The following RECK variants were observed in gnomAD, a reference collection of about 807,000 sequenced individuals.
RECK encodes the protein reversion-inducing cysteine-rich protein with Kazal motifs.
Under a neutral mutation model 115.1 loss-of-function variants are expected in RECK, and 69 were observed. The observed-to-expected ratio is 0.60, with a 90% CI of 0.49 to 0.73. The LOEUF (loss-of-function observed/expected upper bound fraction) is 0.73, where lower values mean the gene tolerates loss of function less well. Among genes scored for constraint, RECK ranks in the 30% least tolerant of loss-of-function variants. The probability of loss-of-function intolerance (pLI) is 0.00; values close to 1 mark genes in which losing one functional copy is unlikely to be tolerated. For missense variants in RECK, 1,047 were observed against 1,203.7 expected, an observed-to-expected ratio of 0.87 and a Z score of 1.93; for synonymous variants, 414 against 419.7, an observed-to-expected ratio of 0.99 and a Z score of 0.17.
chr9:36,114,327 G>T (rs912938057), intron 16 of RECK, among the ~76,000 whole-genome samples: 10 of 152,194 alleles, frequency 6.6e-5, no homozygotes, highest in African/African-American at 1.9e-4. Flanking sequence ...TTCATGTTAA[G>T]AGAAATGTAA....
At position 36,104,292 on chromosome 9, in the gene RECK, G is replaced by GTGCATATATATATATATA. The variant is rs34438663; in HGVS notation, c.1436-850_1436-849insGCATATATATATATATAT. 4.1e-4 allele frequency among the ~76,000 whole-genome samples: 18 copies of GTGCATATATATATATATA among 43,890 alleles called. 1 individual carries two copies. The highest frequency in any genetic ancestry group is 2.4e-3 in the East Asian group (3 of 1,256). The allele number at this position is 43,890 out of a possible 152,430, so 28.8% of individuals were successfully genotyped here. On this transcript the variant is annotated intron_variant, in intron 12 of 20. Transcript: ENST00000377966. ...ATACATAGCATGTGTGTGTGTGTGT[G>GTGCATATATATATATATA]TATATATATATATATATATATATAT...
At chr9:36,095,562 T>C (rs1236181877) in intron 10 of RECK, among the ~76,000 whole-genome samples, 5 of 152,156 alleles carry the variant, frequency 3.3e-5, no homozygotes, top group African/African-American at 9.7e-5. Context: ...GCCAAAATCC[T>C]CAATAAAAGA....
At chr9:36,120,558 C>A in intron 18 of RECK, 105 bp from the exon 19 acceptor site, 1 of 882,710 alleles carries the variant, frequency 1.1e-6, no homozygotes, top group Non-Finnish European at 1.8e-6. Flanking sequence ...GGGAAGGACA[C>A]TGTAACTCTC....
At chr9:36,049,324 A>G (rs1339565237) in intron 1 of RECK, among the ~76,000 whole-genome samples, 1 of 152,156 alleles carries the variant, frequency 6.6e-6, no homozygotes, top group African/African-American at 2.4e-5. Context: ...TTGGGAGATC[A>G]GGTTGATACC....
intron 6 of RECK, among the ~76,000 whole-genome samples, chr9:36,075,961 G>A (rs1822431244): frequency 6.6e-6 from 1 of 152,094 alleles, no homozygotes; most frequent in South Asian, 2.1e-4. Context: ...TATCATTGAT[G>A]AAAATGAGAG....
intron 10 of RECK, among the ~76,000 whole-genome samples, chr9:36,098,759 A>G (rs1318848634): frequency 6.6e-6 from 1 of 152,242 alleles, no homozygotes; most frequent in Non-Finnish European, 1.5e-5. Flanking sequence ...ACAATGGGAT[A>G]GCAATGGATG....
At chr9:36,107,928 A>G (rs1377339665) in intron 13 of RECK, 48 bp from the exon 14 acceptor site, 1 of 1,331,508 alleles carries the variant, frequency 7.5e-7, no homozygotes, top group African/African-American at 1.5e-5. Context: ...TTATAAAACA[A>G]TGTCATAGAA....
At chr9:36,042,008 A>G (rs879858940) in intron 1 of RECK, among the ~76,000 whole-genome samples, 1 of 152,004 alleles carries the variant, frequency 6.6e-6, no homozygotes, top group Non-Finnish European at 1.5e-5. Flanking sequence ...ATAGTGAGAG[A>G]AATTTTTTTG....
In RECK at chr9:36,094,046, A is replaced by G. The variant is rs1823252623; in HGVS notation, c.1085+2703A>G. Among the ~76,000 whole-genome samples, 1 of 151,950 alleles carries G rather than the reference A, an allele frequency of 6.6e-6. No individual in the cohort carries two copies. The highest frequency in any genetic ancestry group is 1.5e-5 in the Non-Finnish European group (1 of 67,950). ...AATAAAGGTATTTCTAGATATTACA[A>G]AAAAAAACAACCTCAGAATTTTCTG... On this transcript the variant is annotated intron_variant, in intron 10 of 20. Coordinates refer to ENST00000377966, the MANE Select transcript of RECK (RefSeq NM_021111.3). This position sits in a 1 kb window ranked among gnomAD's most constrained non-coding sequence, Gnocchi z 4.1.
At chr9:36,116,557 C>T (rs958427308) in intron 16 of RECK, among the ~76,000 whole-genome samples, 5 of 152,224 alleles carry the variant, frequency 3.3e-5, no homozygotes, top group African/African-American at 1.2e-4. Flanking sequence ...CATATCATGG[C>T]CCTTCTGCTA....
intron 12 of RECK, among the ~76,000 whole-genome samples, chr9:36,103,204 G>T (rs958814748): frequency 6.6e-6 from 1 of 152,184 alleles, no homozygotes; most frequent in South Asian, 2.1e-4. Context: ...CCACCAGGGG[G>T]CATCTGTGCC....
Position 36,108,023 on chromosome 9 carries a change from C to G in RECK, c.1624C>G (p.Leu542Val). 1 of 1,613,842 alleles carries G rather than the reference C, an allele frequency of 6.2e-7. No homozygotes were observed. Among genetic ancestry groups the G allele is most frequent in the Non-Finnish European group, 8.5e-7 (1 of 1,179,898 alleles). The change falls in exon 14 of 21, where the codon CTA becomes GTA. Residue 542 changes from leucine (L) to valine (V), a missense_variant. Physicochemically the swap from Leu to Val is conservative, Grantham distance 32. Transcript: ENST00000377966. The part of the protein sequence containing the change: ...ASDFIVRQGT[L>V]IQVPSSAGEV... ...TGATTTCATTGTCCGTCAAGGGACA[C>G]TAATCCAGGTGCCATCATCTGCAGG...
At chr9:36,054,348 A>G (rs542957300) in intron 2 of RECK, among the ~76,000 whole-genome samples, 1 of 152,206 alleles carries the variant, frequency 6.6e-6, no homozygotes, top group South Asian at 2.1e-4. Flanking sequence ...TGGAATTAAA[A>G]CTTTTGGAAT....
chr9:36,086,797 A>C (rs112740719), intron 8 of RECK, among the ~76,000 whole-genome samples: 58 of 152,338 alleles, frequency 3.8e-4, no homozygotes, highest in Non-Finnish European at 6.2e-4. Context: ...GTTTGTTGCT[A>C]TAAAAATTAG....
intron 12 of RECK, 105 bp from the exon 13 acceptor site, chr9:36,105,038 C>A: frequency 1.1e-6 from 1 of 870,408 alleles, no homozygotes; most frequent in Non-Finnish European, 1.7e-6. Flanking sequence ...CCTTACTTTA[C>A]ACTCATGAGC....
At chr9:36,085,312 C>T (rs955288248) in intron 8 of RECK, 3 of 164,514 alleles carry the variant, frequency 1.8e-5, no homozygotes, top group African/African-American at 7.2e-5. Flanking sequence ...AGAGTCTCCG[C>T]TTTGTACATC....
intron 6 of RECK, among the ~76,000 whole-genome samples, chr9:36,077,371 AT>A (rs1399149211): frequency 6.6e-6 from 1 of 152,182 alleles, no homozygotes; most frequent in Non-Finnish European, 1.5e-5. Context: ...CCTATAACTC[AT>A]TATGTGTATG....
chr9:36,082,844 C>G (rs537967271), intron 7 of RECK, among the ~76,000 whole-genome samples: 3 of 152,308 alleles, frequency 2.0e-5, no homozygotes, highest in Non-Finnish European at 2.9e-5. Context: ...CCTTACATCA[C>G]TTAGTTTTTA....
intron 6 of RECK, among the ~76,000 whole-genome samples, chr9:36,072,118 C>T (rs191598348): frequency 2.0e-4 from 30 of 152,230 alleles, no homozygotes; most frequent in African/African-American, 7.2e-4. Flanking sequence ...CCCCTGGATG[C>T]CAGTGTTTGG....
Sources: gnomAD v4.1 joint callset for allele counts (sites outside exome capture counted in the v4.1 genomes callset) on GRCh38, gnomAD v4.1.1 for gene constraint, Gnocchi (gnomAD v3.1) non-coding constraint, MANE v1.5 for transcripts, NCBI Gene and HGNC (gene_info 2026-07-23, HGNC 2026-07-21) for gene names.